The following SZRD1 variants were observed in gnomAD, a reference collection of about 807,000 sequenced individuals.
SZRD1 encodes SUZ RNA-binding domain-containing.
A neutral mutation model predicts 17.6 loss-of-function variants in SZRD1; 7 were observed. The observed-to-expected ratio is 0.40, with a 90% CI of 0.23 to 0.75. SZRD1 has a LOEUF of 0.75. Ranked by LOEUF, SZRD1 falls within the 30% of genes least tolerant of loss-of-function variation. The pLI is 0.38. For synonymous variants in SZRD1, 77 were observed against 77.9 expected (o/e 0.99, Z 0.06); for missense variants, 178 against 201.8 (o/e 0.88, Z 0.71).
At chr1:16,372,141 G>T (rs772363153) in intron 1 of SZRD1, among the ~76,000 whole-genome samples, 2 of 150,556 alleles carry the variant, frequency 1.3e-5, no homozygotes, top group Non-Finnish European at 3.0e-5. Flanking sequence ...TTTTTTTTGA[G>T]ACAGGGTTTC....
intron 1 of SZRD1, among the ~76,000 whole-genome samples, chr1:16,379,760 G>GTTTTT (rs35016930): frequency 7.6e-6 from 1 of 130,982 alleles, no homozygotes; most frequent in African/African-American, 2.8e-5. Context: ...TTGATTTGGG[G>GTTTTT]TTTTTTTTTT....
chr1:16,389,905 T>A (rs953075391), intron 1 of SZRD1, among the ~76,000 whole-genome samples: 1 of 152,198 alleles, frequency 6.6e-6, no homozygotes, highest in African/African-American at 2.4e-5. Flanking sequence ...TCTAATAAAT[T>A]AAGGTTGCCC....
At chr1:16,376,854 C>T (rs945641725) in intron 1 of SZRD1, among the ~76,000 whole-genome samples, 3 of 146,994 alleles carry the variant, frequency 2.0e-5, no homozygotes, top group South Asian at 2.2e-4. Context: ...ATGGAGGGGG[C>T]GGTGGTCTTG....
rs774243294 is a variant in SZRD1 at position 16,395,281 on chromosome 1, C to T, written c.*141C>T. On this transcript the variant is annotated 3_prime_UTR_variant, in exon 4 of 4. Coordinates refer to ENST00000401088, the MANE Select transcript of SZRD1 (RefSeq NM_001114600.3). ...ACTTGCACTGTGATCCCCCTTGCTC[C>T]GCCCACTGTGACCTTGAACCCCATG... 34 of 707,648 alleles carry T rather than the reference C, an allele frequency of 4.8e-5. No homozygotes were observed. Among genetic ancestry groups the T allele is most frequent in the Admixed American group, 8.2e-5 (4 of 48,828 alleles). The allele number at this position is 707,648 out of a possible 1,614,324, so 43.8% of individuals were successfully genotyped here. A position where few individuals can be genotyped will look rare whatever the true frequency, so the allele number is the denominator to read the frequency against.
intron 1 of SZRD1, among the ~76,000 whole-genome samples, chr1:16,389,333 C>T (rs1247213153): frequency 4.6e-5 from 7 of 151,726 alleles, no homozygotes; most frequent in East Asian, 1.9e-4. Flanking sequence ...GGCGCCATCT[C>T]GGCTCACTGC....
intron 1 of SZRD1, chr1:16,387,548 A>C: frequency 2.2e-6 from 1 of 456,732 alleles, no homozygotes; most frequent in South Asian, 1.5e-5. Flanking sequence ...TAGGCAGGGC[A>C]AGTGCTCTTT....
At chr1:16,390,612 A>T (rs1320694629) in intron 1 of SZRD1, 1 of 152,164 alleles carries the variant, frequency 6.6e-6, no homozygotes, top group East Asian at 1.9e-4. Context: ...CATAGGTTTT[A>T]CTCTAAGCCT....
chr1:16,384,937 T>C (rs1448008401), intron 1 of SZRD1, among the ~76,000 whole-genome samples: 1 of 152,132 alleles, frequency 6.6e-6, no homozygotes, highest in African/African-American at 2.4e-5. Flanking sequence ...CATAGGGAGC[T>C]CAAGGCCAGT....
At chr1:16,367,723 C>T (rs1569982433) in intron 1 of SZRD1, 3 of 189,886 alleles carry the variant, frequency 1.6e-5, no homozygotes, top group South Asian at 2.8e-4. Context: ...CTTGCGCGGA[C>T]CAAGGAGGCA....
intron 1 of SZRD1, among the ~76,000 whole-genome samples, chr1:16,380,791 G>C (rs1474908543): frequency 1.3e-5 from 2 of 152,106 alleles, no homozygotes; most frequent in Admixed American, 1.3e-4. Flanking sequence ...TGTATTTGTA[G>C]AGATGGGATT....
rs1206786422 is a variant in SZRD1, at chr1:16,393,556, C to T, written c.356+74C>T. 3.1e-5 allele frequency: 45 copies of T among 1,471,352 alleles called. 1 individual carries two copies. Among genetic ancestry groups the T allele is most frequent in the East Asian group, 7.4e-5 (3 of 40,614 alleles). The allele number at this position is 1,471,352 out of a possible 1,614,324, so 91.1% of individuals were successfully genotyped here. On this transcript the variant is annotated intron_variant, in intron 3 of 3. Transcript: ENST00000401088. The surrounding 1 kb of genome is among the most constrained non-coding windows in gnomAD (Gnocchi z 5.6). The stretch of plus-strand genomic sequence containing the variant: ...CGGGAAGAGGAGAGCATCCTGGCTG[C>T]GTGTAGAGTAGTGAGAAGCAAGCAG...
intron 1 of SZRD1, among the ~76,000 whole-genome samples, chr1:16,379,462 C>T (rs1246966938): frequency 6.6e-6 from 1 of 152,234 alleles, no homozygotes; most frequent in Non-Finnish European, 1.5e-5. Flanking sequence ...AGGCAAATCA[C>T]TTAACTTCCG....
intron 1 of SZRD1, among the ~76,000 whole-genome samples, chr1:16,375,115 A>T (rs904446519): frequency 6.6e-6 from 1 of 152,098 alleles, no homozygotes; most frequent in Non-Finnish European, 1.5e-5. Context: ...TGACCTCGTG[A>T]TCCGCCCGCC....
rs1011898788 is a variant in SZRD1, at chr1:16,395,929, G to A, written c.*789G>A. ...CTTGCCTGGAGACTGGGCTAGCTCT[G>A]TAGGCTCGGAGAGCCTGGGGAGGGT... On this transcript the variant is annotated 3_prime_UTR_variant, in exon 4 of 4. Transcript: ENST00000401088. 31 of 152,678 alleles carry A rather than the reference G, an allele frequency of 2.0e-4. No individual in the cohort carries two copies. The highest frequency in any genetic ancestry group is 1.9e-3 in the Admixed American group (29 of 15,282). 9.5% of individuals were successfully genotyped at this position (152,678 alleles called of 1,614,324 possible). A position where few individuals can be genotyped will look rare whatever the true frequency, so the allele number is the denominator to read the frequency against.
At chr1:16,389,283 G>T (rs1275929275) in intron 1 of SZRD1, among the ~76,000 whole-genome samples, 10 of 147,058 alleles carry the variant, frequency 6.8e-5, no homozygotes, top group East Asian at 6.2e-4. Flanking sequence ...GGGTGGGGGG[G>T]GGGCAGAGTC....
In SZRD1 at chr1:16,377,562, C is replaced by CAAAAAAAA. The variant is rs34066824; in HGVS notation, c.51+10266_51+10273dup. Among the ~76,000 whole-genome samples, 102 of 61,996 alleles carry CAAAAAAAA rather than the reference C, an allele frequency of 1.6e-3. 1 individual carries two copies. The highest frequency in any genetic ancestry group is 2.6e-3 in the Non-Finnish European group (83 of 31,712). The allele number at this position is 61,996 out of a possible 152,430, so 40.7% of individuals were successfully genotyped here. On this transcript the variant is annotated intron_variant, in intron 1 of 3. Transcript: ENST00000401088. ...ATCATGACAGAGACAGACTCTGTCT[C>CAAAAAAAA]AAAAAAAAAAAAAAAAAAAGCAAGA...
chr1:16,394,106 T>C (rs2100753433), intron 3 of SZRD1, among the ~76,000 whole-genome samples: 1 of 152,346 alleles, frequency 6.6e-6, no homozygotes. Flanking sequence ...CAAACAGTAT[T>C]CATTAAGATG....
rs142349500 is a variant in SZRD1 at position 16,387,269 on chromosome 1, G to A, written c.52-4106G>A. On this transcript the variant is annotated intron_variant, in intron 1 of 3. Coordinates refer to ENST00000401088, the MANE Select transcript of SZRD1 (RefSeq NM_001114600.3). ...TTCTTCCACCCAGGCTCCTTGTGCT[G>A]GAACTGGGCAGATGGTCCATCTTCC... 1,181 of 456,350 alleles carry A rather than the reference G, an allele frequency of 2.6e-3. 12 individuals are homozygous for A. Among genetic ancestry groups the A allele is most frequent in the African/African-American group, 0.02 (992 of 50,140 alleles). 28.3% of individuals were successfully genotyped at this position (456,350 alleles called of 1,614,324 possible). A position where few individuals can be genotyped will look rare whatever the true frequency, so the allele number is the denominator to read the frequency against.
At chr1:16,368,914 A>C (rs1457032359) in intron 1 of SZRD1, among the ~76,000 whole-genome samples, 1 of 152,234 alleles carries the variant, frequency 6.6e-6, no homozygotes, top group Non-Finnish European at 1.5e-5. Flanking sequence ...AGTTGGAGGC[A>C]AATGAACAAA....
Sources: allele counts gnomAD v4.1 joint callset (sites outside exome capture counted in the v4.1 genomes callset), GRCh38; gene constraint gnomAD v4.1.1; non-coding constraint Gnocchi (gnomAD v3.1); transcripts MANE v1.5; gene names NCBI Gene and HGNC (gene_info 2026-07-23, HGNC 2026-07-21).